Variants in DSCAM observed in about 807,000 individuals in gnomAD.
The protein encoded by DSCAM is cell adhesion molecule DSCAM.
In DSCAM, 47 loss-of-function variants were observed where a neutral mutation model predicts 217.7. That is an observed-to-expected ratio of 0.22 (90% CI 0.17 to 0.28). DSCAM has a LOEUF of 0.28. Ranked by LOEUF, DSCAM falls within the 10% of genes least tolerant of loss-of-function variation. The pLI, the probability that DSCAM is intolerant of heterozygous loss-of-function variation, is 1.00. For missense variants in DSCAM, 2,080 were observed against 2,618.3 expected (o/e 0.79, Z 4.49); for synonymous variants, 1,056 against 1,015.3 (o/e 1.04, Z -0.76).
At chr21:40,590,216 T>C (rs749082209) in intron 3 of DSCAM, among the ~76,000 whole-genome samples, 2 of 152,218 alleles carry the variant, frequency 1.3e-5, no homozygotes, top group Non-Finnish European at 2.9e-5. Context: ...GCGACTTACA[T>C]GGAAGTATGT....
intron 3 of DSCAM, among the ~76,000 whole-genome samples, chr21:40,459,105 A>C (rs577465548): frequency 6.6e-6 from 1 of 152,280 alleles, no homozygotes; most frequent in African/African-American, 2.4e-5. Flanking sequence ...CAAAAAAGCA[A>C]AAGGAACAAG....
intron 3 of DSCAM, among the ~76,000 whole-genome samples, chr21:40,639,680 T>C (rs2089853567): frequency 8.5e-6 from 1 of 117,052 alleles, no homozygotes; most frequent in African/African-American, 3.0e-5. Context: ...TGTATGTGTA[T>C]GTGTGTGCAT....
chr21:40,133,244 C>T (rs548312753), intron 19 of DSCAM, among the ~76,000 whole-genome samples: 5 of 152,220 alleles, frequency 3.3e-5, no homozygotes, highest in South Asian at 2.1e-4. Context: ...GGTTTTTGTA[C>T]GTTTGGGTAA....
chr21:40,244,091 T>C (rs2073189850), intron 11 of DSCAM, among the ~76,000 whole-genome samples: 1 of 152,192 alleles, frequency 6.6e-6, no homozygotes. Context: ...AAATGGACCA[T>C]TCTGTCACGG....
chr21:40,716,380 ATGTG>A (rs35141387), intron 1 of DSCAM, among the ~76,000 whole-genome samples: 4 of 150,662 alleles, frequency 2.7e-5, no homozygotes, highest in African/African-American at 7.3e-5. Context: ...AATGTGAATT[ATGTG>A]TGTGTGTGTG....
chr21:40,039,325 G>A (rs2088698799), intron 32 of DSCAM, among the ~76,000 whole-genome samples: 1 of 151,848 alleles, frequency 6.6e-6, no homozygotes, highest in African/African-American at 2.4e-5. Flanking sequence ...AAAAAAGAAT[G>A]GAAAATAAGT....
At position 40,708,795 on chromosome 21, in the gene DSCAM, C is replaced by A. The variant is rs1300893042; in HGVS notation, c.44-24G>T. 4.8e-6 allele frequency: 7 copies of A among 1,448,808 alleles called. No homozygotes were observed. In the East Asian group the frequency reaches 1.5e-4, roughly 31 times the overall value. The allele number at this position is 1,448,808 out of a possible 1,614,324, so 89.7% of individuals were successfully genotyped here. On this transcript the variant is annotated intron_variant, in intron 1 of 32. Coordinates refer to ENST00000400454, the MANE Select transcript of DSCAM (RefSeq NM_001389.5). Reference sequence around the variant, plus strand: ...AACTGCAAGAAGACAACACAGGGATCCATAGGTGAGTAAAACATGCCTTTG... The same window carrying A: ...AACTGCAAGAAGACAACACAGGGATACATAGGTGAGTAAAACATGCCTTTG...
At chr21:40,187,337 GACTC>G in intron 13 of DSCAM, 78 bp from the exon 14 acceptor site, 1 of 1,555,956 alleles carries the variant, frequency 6.4e-7, no homozygotes, top group Non-Finnish European at 8.7e-7. Flanking sequence ...TGCTGAGCGT[GACTC>G]ACAAACGATT....
Position 40,075,144 on chromosome 21 carries a change from T to C in DSCAM, c.4781A>G (p.Lys1594Arg). 1 of 1,614,212 alleles carries C rather than the reference T, an allele frequency of 6.2e-7. No homozygotes were observed. Among genetic ancestry groups the C allele is most frequent in the Non-Finnish European group, 8.5e-7 (1 of 1,180,024 alleles). Residue 1594 changes from lysine (K) to arginine (R), a missense_variant, in exon 27 of 33, where the codon AAG becomes AGG. Lys to Arg is a conservative substitution (Grantham distance 26). This residue lies in a region of DSCAM where 1,144 missense variants were observed against 1,421.1 expected (regional missense o/e 0.81). Transcript: ENST00000400454. ...EEGLTTNEGL[K>R]MLVTISCILV... ...GATACAGGAGATGGTCACCAGCATC[T>C]TGAGCCCCTCGTTGGTCGTCAGCCC... is the stretch of plus-strand genomic sequence containing the variant.
At chr21:40,615,932 T>C (rs58991183) in intron 3 of DSCAM, among the ~76,000 whole-genome samples, 1 of 152,120 alleles carries the variant, frequency 6.6e-6, no homozygotes, top group Non-Finnish European at 1.5e-5. Flanking sequence ...GTGGCTGTCA[T>C]GAAGTCTTCA....
chr21:40,802,190 G>A (rs1161269872), intron 1 of DSCAM, among the ~76,000 whole-genome samples: 1 of 152,208 alleles, frequency 6.6e-6, no homozygotes, highest in South Asian at 2.1e-4. Context: ...GGCTAAGGTG[G>A]AGTCAAAGGA....
At chr21:40,222,034 G>A in intron 11 of DSCAM, among the ~76,000 whole-genome samples, 1 of 152,114 alleles carries the variant, frequency 6.6e-6, no homozygotes, top group East Asian at 1.9e-4. Flanking sequence ...CTGGGTATTT[G>A]ACAAACATTT....
chr21:40,433,289 C>T (rs2075553018), intron 3 of DSCAM, among the ~76,000 whole-genome samples: 1 of 145,794 alleles, frequency 6.9e-6, no homozygotes, highest in Admixed American at 7.2e-5. Flanking sequence ...GTGGAGACTG[C>T]AGTGAGCTGA....
At chr21:40,687,299 G>GT (rs900430358) in intron 3 of DSCAM, among the ~76,000 whole-genome samples, 17 of 152,014 alleles carry the variant, frequency 1.1e-4, no homozygotes, top group South Asian at 4.2e-4. Context: ...GTGACTCTAG[G>GT]TTTTTTTTAA....
At chr21:40,162,032 A>G (rs1403228372) in intron 16 of DSCAM, among the ~76,000 whole-genome samples, 1 of 152,228 alleles carries the variant, frequency 6.6e-6, no homozygotes, top group East Asian at 1.9e-4. Context: ...GGTATAATTT[A>G]TAACATGAGT....
chr21:40,548,718 T>G (rs2076605069), intron 3 of DSCAM, among the ~76,000 whole-genome samples: 1 of 152,168 alleles, frequency 6.6e-6, no homozygotes, highest in Admixed American at 6.5e-5. Flanking sequence ...ACAGCCTTTC[T>G]ACATCCTCAA....
chr21:40,679,632 A>C (rs2090378261), intron 3 of DSCAM, among the ~76,000 whole-genome samples: 1 of 152,244 alleles, frequency 6.6e-6, no homozygotes, highest in African/African-American at 2.4e-5. Flanking sequence ...CTGCAAATAC[A>C]TACTCTGATT....
intron 3 of DSCAM, among the ~76,000 whole-genome samples, chr21:40,690,314 T>C (rs751882825): frequency 3.9e-5 from 6 of 152,320 alleles, no homozygotes; most frequent in Admixed American, 6.5e-5. Flanking sequence ...ATCATGCCAC[T>C]GCTTTGGGGC....
At chr21:40,167,427 A>C in intron 15 of DSCAM, 139 bp from the exon 16 acceptor site, 1 of 679,918 alleles carries the variant, frequency 1.5e-6, no homozygotes, top group Non-Finnish European at 2.6e-6. Context: ...GGTCATGGGA[A>C]ATGTCAATTT....
Sources: allele counts gnomAD v4.1 joint callset (sites outside exome capture counted in the v4.1 genomes callset), GRCh38; gene constraint gnomAD v4.1.1; regional missense constraint gnomAD v4.1.1; transcripts MANE v1.5; gene names NCBI Gene and HGNC (gene_info 2026-07-23, HGNC 2026-07-21).